The following MBNL1 variants were observed in gnomAD, a reference collection of about 807,000 sequenced individuals.
The protein encoded by MBNL1 is muscleblind-like protein 1.
Under a neutral mutation model 42.2 loss-of-function variants are expected in MBNL1, and 8 were observed. That is an observed-to-expected ratio of 0.19 (90% confidence interval 0.11 to 0.34). The LOEUF (loss-of-function observed/expected upper bound fraction) is 0.34, where lower values mean the gene tolerates loss of function less well. MBNL1 is among the 10% of genes least tolerant of loss of function. The pLI is 1.00. For missense variants in MBNL1, 309 were observed against 495.3 expected, an observed-to-expected ratio of 0.62 and a Z score of 3.57; for synonymous variants, 169 against 173.9, an observed-to-expected ratio of 0.97 and a Z score of 0.22.
intron 2 of MBNL1, among the ~76,000 whole-genome samples, chr3:152,317,001 A>G (rs939479108): frequency 6.6e-6 from 1 of 152,146 alleles, no homozygotes; most frequent in African/African-American, 2.4e-5. Flanking sequence ...TAACTGTTTC[A>G]TAACTGTCCC....
intron 2 of MBNL1, among the ~76,000 whole-genome samples, chr3:152,378,631 A>G (rs1236006632): frequency 2.6e-5 from 4 of 152,160 alleles, no homozygotes; most frequent in Non-Finnish European, 5.9e-5. Flanking sequence ...GCTTTTTACA[A>G]TTCCAATAAT....
intron 2 of MBNL1, among the ~76,000 whole-genome samples, chr3:152,330,681 CGATAA>C (rs1401752471): frequency 6.6e-6 from 1 of 152,056 alleles, no homozygotes; most frequent in African/African-American, 2.4e-5. Context: ...TGGTACAACA[CGATAA>C]GATATTTTGA....
intron 2 of MBNL1, among the ~76,000 whole-genome samples, chr3:152,321,706 C>T (rs1468933074): frequency 1.3e-5 from 2 of 151,962 alleles, no homozygotes; most frequent in Admixed American, 1.3e-4. Flanking sequence ...GTAGATCAAG[C>T]CTGGTGTCCC....
chr3:152,394,443 A>G (rs2097847664), intron 2 of MBNL1, among the ~76,000 whole-genome samples: 1 of 152,238 alleles, frequency 6.6e-6, no homozygotes, highest in African/African-American at 2.4e-5. Flanking sequence ...CCTCATGCAG[A>G]TGTCTCTGAC....
At chr3:152,373,076 C>T (rs1013473027) in intron 2 of MBNL1, among the ~76,000 whole-genome samples, 1 of 152,128 alleles carries the variant, frequency 6.6e-6, no homozygotes, top group East Asian at 1.9e-4. Context: ...ATTCGAACTT[C>T]CCAGAAGCTT....
At position 152,404,719 on chromosome 3, in the gene MBNL1, C is replaced by T. The variant is rs181121701; in HGVS notation, c.175-10222C>T. Among the ~76,000 whole-genome samples, 670 of 150,190 alleles carry T rather than the reference C, an allele frequency of 4.5e-3. 2 individuals are homozygous for T. The highest frequency in any genetic ancestry group is 0.011 in the Admixed American group (173 of 15,062). ...ATATATGTATGTATATATACACACA[C>T]AAAGATATATAACTTTTTCATTATA... On this transcript the variant is annotated intron_variant, in intron 2 of 9. Transcript: ENST00000324210.
intron 2 of MBNL1, 129 bp from the exon 3 acceptor site, chr3:152,414,812 A>G (rs2098668456): frequency 1.3e-6 from 1 of 789,172 alleles, no homozygotes; most frequent in Non-Finnish European, 2.0e-6. Context: ...GTATGATCAA[A>G]TGATATGGAC....
At position 152,412,940 on chromosome 3, in the gene MBNL1, C is replaced by T. The variant is rs114347518; in HGVS notation, c.175-2001C>T. Among the ~76,000 whole-genome samples the T allele has an allele frequency of 2.1e-3, 318 of 152,258 alleles. 2 individuals carry two copies. Among genetic ancestry groups the T allele is most frequent in the African/African-American group, 7.1e-3 (297 of 41,554 alleles). On this transcript the variant is annotated intron_variant, in intron 2 of 9. Transcript: ENST00000324210. ...TCCAGTTTTAGTAAGAACTATGATGCGGAGATACTGAGAACAAGAATTTCT... is the reference window on the plus strand; with the variant it reads ...TCCAGTTTTAGTAAGAACTATGATGTGGAGATACTGAGAACAAGAATTTCT...
intron 6 of MBNL1, among the ~76,000 whole-genome samples, chr3:152,452,499 T>G (rs1452923094): frequency 6.6e-6 from 1 of 152,200 alleles, no homozygotes; most frequent in East Asian, 1.9e-4. Context: ...CGCTGCTCAC[T>G]GCTGATGTGA....
intron 9 of MBNL1, among the ~76,000 whole-genome samples, chr3:152,460,991 G>A (rs1744761711): frequency 6.6e-6 from 1 of 152,130 alleles, no homozygotes; most frequent in African/African-American, 2.4e-5. Context: ...AAAGATGAAG[G>A]AGCAGCTGTT....
chr3:152,306,104 C>T (rs868263895), intron 2 of MBNL1, among the ~76,000 whole-genome samples: 9 of 152,280 alleles, frequency 5.9e-5, no homozygotes, highest in African/African-American at 2.2e-4. Flanking sequence ...TACATTTCTT[C>T]TTTTGTTATC....
intron 2 of MBNL1, among the ~76,000 whole-genome samples, chr3:152,314,657 G>A (rs548103110): frequency 1.3e-5 from 2 of 152,300 alleles, no homozygotes; most frequent in Admixed American, 1.3e-4. Flanking sequence ...TTATAGGTGT[G>A]AGCCACCATG....
At chr3:152,383,591 A>T (rs1363489165) in intron 2 of MBNL1, among the ~76,000 whole-genome samples, 1 of 152,082 alleles carries the variant, frequency 6.6e-6, no homozygotes, top group African/African-American at 2.4e-5. Context: ...AAGGTTTCTT[A>T]TGCCTGTGGA....
intron 2 of MBNL1, among the ~76,000 whole-genome samples, chr3:152,407,749 A>C (rs1268315435): frequency 6.6e-6 from 1 of 152,188 alleles, no homozygotes; most frequent in Non-Finnish European, 1.5e-5. Flanking sequence ...TCAATGATAG[A>C]CTGGATAGAG....
At chr3:152,356,259 CTTA>C (rs145686115) in intron 2 of MBNL1, among the ~76,000 whole-genome samples, 45,806 of 151,000 alleles carry the variant, frequency 0.3, 7,225 homozygotes, top group East Asian at 0.49. Flanking sequence ...ACCCGAAAAA[CTTA>C]TTATTCTATT....
At chr3:152,429,925 G>A (rs1438846912) in intron 3 of MBNL1, among the ~76,000 whole-genome samples, 1 of 152,174 alleles carries the variant, frequency 6.6e-6, no homozygotes, top group African/African-American at 2.4e-5. Context: ...AACAATTTGA[G>A]ATAGTGCTTG....
chr3:152,425,291 T>A (rs1312051222), intron 3 of MBNL1, among the ~76,000 whole-genome samples: 1 of 150,200 alleles, frequency 6.7e-6, no homozygotes. Flanking sequence ...GGCCAACAAA[T>A]GTATGAAAAA....
At chr3:152,374,696 C>G (rs953354675) in intron 2 of MBNL1, among the ~76,000 whole-genome samples, 3 of 152,174 alleles carry the variant, frequency 2.0e-5, no homozygotes, top group Admixed American at 6.5e-5. Flanking sequence ...CACTGTGGAT[C>G]TGAAACATGT....
intron 2 of MBNL1, among the ~76,000 whole-genome samples, chr3:152,356,753 G>A (rs1277893071): frequency 6.6e-6 from 1 of 152,040 alleles, no homozygotes; most frequent in Non-Finnish European, 1.5e-5. Context: ...TGGGATTACA[G>A]GCGTGAGCCA....
Sources: gnomAD v4.1 joint callset for allele counts (sites outside exome capture counted in the v4.1 genomes callset) on GRCh38, gnomAD v4.1.1 for gene constraint, MANE v1.5 for transcripts, NCBI Gene and HGNC (gene_info 2026-07-23, HGNC 2026-07-21) for gene names.